Variants in LSM14B observed in about 807,000 individuals in gnomAD.
LSM14B encodes the protein protein LSM14 homolog B.
Under a neutral mutation model 42.1 loss-of-function variants are expected in LSM14B, and 8 were observed. That is an observed-to-expected ratio of 0.19 (90% CI 0.11 to 0.34). The LOEUF (loss-of-function observed/expected upper bound fraction) is 0.34, where lower values mean the gene tolerates loss of function less well. Among genes scored for constraint, LSM14B ranks in the 10% least tolerant of loss-of-function variants. LSM14B has a pLI of 1.00. For synonymous variants in LSM14B, 219 were observed against 209.7 expected (o/e 1.04, Z -0.38); for missense variants, 396 against 513.1 (o/e 0.77, Z 2.21).
Position 62,131,986 on chromosome 20 carries a change from G to A in LSM14B, c.986+480G>A, listed in dbSNP as rs551192055. Reference sequence around the variant, plus strand: ...CCTAACAGCTGGTCAGAAGTCCCGCGAAGCACCCTAGGGAGTGGGTGGCAT... The same window carrying A: ...CCTAACAGCTGGTCAGAAGTCCCGCAAAGCACCCTAGGGAGTGGGTGGCAT... On this transcript the variant is annotated intron_variant, in intron 7 of 8. Coordinates refer to ENST00000279068, the MANE Select transcript of LSM14B (RefSeq NM_144703.3). Among the ~76,000 whole-genome samples the A allele has an allele frequency of 1.7e-4, 26 of 152,308 alleles. No individual in the cohort carries two copies. The South Asian group carries it at 4.1e-3, about 24-fold the overall frequency.
intron 3 of LSM14B, chr20:62,127,599 C>T: frequency 1.3e-6 from 2 of 1,550,866 alleles, no homozygotes; most frequent in South Asian, 1.2e-5. Flanking sequence ...GTTGGTAAGC[C>T]CTCCAGCCTC....
Position 62,122,939 on chromosome 20 carries a change from C to T in LSM14B, c.127+146C>T. 1.5e-6 allele frequency: 1 copy of T among 670,118 alleles called. No individual in the cohort carries two copies. The allele number at this position is 670,118 out of a possible 1,614,324, so 41.5% of individuals were successfully genotyped here. A position where few individuals can be genotyped will look rare whatever the true frequency, so the allele number is the denominator to read the frequency against. ...CCAGGGCACACCCGGCCCGAGATCC[C>T]CTGCCCGCGCCTTCACCCCGGACGC... is the stretch of plus-strand genomic sequence containing the variant. On this transcript the variant is annotated intron_variant, in intron 1 of 8. Transcript: ENST00000279068. This position sits in a 1 kb window ranked among gnomAD's most constrained non-coding sequence, Gnocchi z 4.6.
chr20:62,132,535 G>A (rs1600948621), intron 7 of LSM14B, among the ~76,000 whole-genome samples: 1 of 152,362 alleles, frequency 6.6e-6, no homozygotes. Flanking sequence ...GAGGGAAGGA[G>A]TAGAGTCTAA....
chr20:62,133,837 G>A (rs561966994), intron 8 of LSM14B, among the ~76,000 whole-genome samples: 108 of 152,354 alleles, frequency 7.1e-4, no homozygotes, highest in African/African-American at 2.5e-3. Context: ...TGAATCAGAG[G>A]CTTCATTTTT....
At chr20:62,128,973 T>C (rs1023473923) in intron 3 of LSM14B, 9 of 1,304,252 alleles carry the variant, frequency 6.9e-6, no homozygotes, top group Non-Finnish European at 8.1e-6. Flanking sequence ...CAGTCCCACA[T>C]TGTCCTGTTT....
At chr20:62,124,912 C>T (rs941895497) in intron 2 of LSM14B, 132 bp downstream of exon 2, 34 of 996,542 alleles carry the variant, frequency 3.4e-5, no homozygotes, top group Non-Finnish European at 4.4e-5. Context: ...GGCAGCGTCT[C>T]GCTGTGTCAC....
chr20:62,134,681 C>A lies in LSM14B; in HGVS notation c.*533C>A. On this transcript the variant is annotated 3_prime_UTR_variant, in exon 9 of 9. Coordinates refer to ENST00000279068, the MANE Select transcript of LSM14B (RefSeq NM_144703.3). ...GGCAGGGGTGGGTGGGTGGAGGGCA[C>A]GGAAGGGGTTTTCCCATGGATCATG... 1 of 196,522 alleles carries A rather than the reference C, an allele frequency of 5.1e-6. No homozygotes were observed. Among genetic ancestry groups the A allele is most frequent in the Non-Finnish European group, 1.0e-5 (1 of 95,926 alleles). 12.2% of individuals were successfully genotyped at this position (196,522 alleles called of 1,614,324 possible).
At chr20:62,131,208 G>A (rs1207338901) in intron 6 of LSM14B, 148 bp from the exon 7 acceptor site, 2 of 944,800 alleles carry the variant, frequency 2.1e-6, no homozygotes, top group South Asian at 1.8e-5. Context: ...TACTTAGAAG[G>A]TAGAAGAAGA....
In LSM14B at chr20:62,122,508, C is replaced by G. The variant is rs2056429025; in HGVS notation, c.-159C>G. 2.4e-6 allele frequency: 1 copy of G among 409,026 alleles called. No individual in the cohort carries two copies. Among genetic ancestry groups the G allele is most frequent in the Non-Finnish European group, 3.3e-6 (1 of 303,436 alleles). 25.3% of individuals were successfully genotyped at this position (409,026 alleles called of 1,614,324 possible). A position where few individuals can be genotyped will look rare whatever the true frequency, so the allele number is the denominator to read the frequency against. On this transcript the variant is annotated 5_prime_UTR_variant, in exon 1 of 9. Transcript: ENST00000279068. The surrounding 1 kb of genome is among the most constrained non-coding windows in gnomAD (Gnocchi z 4.6). ...GCCCCTTCTTGGTTCGCTCGGTGCC[C>G]GCGCAGGCCCCTCGGGCGGTGGCGA...
intron 3 of LSM14B, chr20:62,127,748 G>C (rs971540619): frequency 2.3e-6 from 3 of 1,278,950 alleles, no homozygotes. Flanking sequence ...AAACCATTCT[G>C]AGAGCGAGGG....
At chr20:62,124,513 C>G (rs1047620412) in intron 1 of LSM14B, 104 bp from the exon 2 acceptor site, 8 of 1,278,766 alleles carry the variant, frequency 6.3e-6, no homozygotes, top group Admixed American at 2.1e-5. Context: ...TGTTGTGGCT[C>G]TGAGCAAGTG....
At chr20:62,124,821 G>A in intron 2 of LSM14B, 41 bp downstream of exon 2, 3 of 1,567,358 alleles carry the variant, frequency 1.9e-6, no homozygotes, top group Non-Finnish European at 2.6e-6. Context: ...TGTAGGAGAT[G>A]CTGGTTTCCA....
chr20:62,128,498 T>C (rs2056669163), intron 3 of LSM14B, among the ~76,000 whole-genome samples: 1 of 152,226 alleles, frequency 6.6e-6, no homozygotes, highest in African/African-American at 2.4e-5. Context: ...AGTCTTTTTT[T>C]TTCCCCCACT....
At chr20:62,132,077 C>T (rs1387840116) in intron 7 of LSM14B, among the ~76,000 whole-genome samples, 3 of 152,224 alleles carry the variant, frequency 2.0e-5, no homozygotes, top group East Asian at 1.9e-4. Context: ...CCAGACATGC[C>T]GCGGGGCGTT....
chr20:62,131,622 G>T, intron 7 of LSM14B, 116 bp downstream of exon 7: 1 of 1,342,546 alleles, frequency 7.4e-7, no homozygotes, highest in Non-Finnish European at 1.0e-6. Flanking sequence ...CTGTTCTAGG[G>T]TCCTGCTTGC....
At chr20:62,131,541 T>G (rs757337907) in intron 7 of LSM14B, 35 bp downstream of exon 7, 5 of 1,607,044 alleles carry the variant, frequency 3.1e-6, no homozygotes, top group Non-Finnish European at 4.2e-6. Context: ...AGGACAGTCC[T>G]CCAATCTAGA....
chr20:62,126,537 G>A (rs2056613326), intron 3 of LSM14B, 98 bp downstream of exon 3: 2 of 1,465,444 alleles, frequency 1.4e-6, no homozygotes, highest in East Asian at 2.4e-5. Context: ...TTCCTGTCAT[G>A]CTCAGCTTGT....
rs1227249668 is a variant in LSM14B at position 62,130,212 on chromosome 20, G to A, written c.596-7G>A. 11 of 1,593,166 alleles carry A rather than the reference G, an allele frequency of 6.9e-6. No homozygotes were observed. Among genetic ancestry groups the A allele is most frequent in the South Asian group, 3.4e-5 (3 of 87,708 alleles). On this transcript the variant is annotated splice_region_variant and splice_polypyrimidine_tract_variant and intron_variant, in intron 4 of 8. Transcript: ENST00000279068. This position sits in a 1 kb window ranked among gnomAD's most constrained non-coding sequence, Gnocchi z 4.1. Reference sequence around the variant, plus strand: ...GCTTTGCCTTACTCTTCCCTTTTGCGCCGTAGATGTAGTCCAGCCGGCAGC... The same window carrying A: ...GCTTTGCCTTACTCTTCCCTTTTGCACCGTAGATGTAGTCCAGCCGGCAGC...
intron 2 of LSM14B, among the ~76,000 whole-genome samples, chr20:62,125,878 A>G (rs2056581292): frequency 6.6e-6 from 1 of 152,134 alleles, no homozygotes; most frequent in Admixed American, 6.5e-5. Context: ...TGGCCAACAT[A>G]GCAAAACCGC....
Sources: gnomAD v4.1 joint callset for allele counts (sites outside exome capture counted in the v4.1 genomes callset) on GRCh38, gnomAD v4.1.1 for gene constraint, Gnocchi (gnomAD v3.1) non-coding constraint, MANE v1.5 for transcripts, NCBI Gene and HGNC (gene_info 2026-07-23, HGNC 2026-07-21) for gene names.